The following HCRTR1 variants were observed in gnomAD, a reference collection of about 807,000 sequenced individuals.
HCRTR1 encodes the protein hypocretin receptor 1.
A neutral mutation model predicts 40.6 loss-of-function variants in HCRTR1; 28 were observed. That is an observed-to-expected ratio of 0.69 (90% CI 0.51 to 0.95). HCRTR1 has a LOEUF of 0.95. Among genes scored for constraint, HCRTR1 ranks in the 40% least tolerant of loss-of-function variants. The pLI, the probability that HCRTR1 is intolerant of heterozygous loss-of-function variation, is 0.00. For missense variants in HCRTR1, 482 were observed against 564.7 expected (o/e 0.85, Z 1.48); for synonymous variants, 209 against 230.0 (o/e 0.91, Z 0.83).
downstream of HCRTR1, among the ~76,000 whole-genome samples, chr1:31,628,510 G>C (rs1252688759): frequency 6.6e-6 from 1 of 152,210 alleles, no homozygotes; most frequent in East Asian, 1.9e-4. Context: ...TGAGGTATGA[G>C]GGCTGGCCCC....
downstream of HCRTR1, among the ~76,000 whole-genome samples, chr1:31,631,538 C>G (rs1363014490): frequency 6.6e-6 from 1 of 152,126 alleles, no homozygotes; most frequent in Non-Finnish European, 1.5e-5. Context: ...TATGCGGGCC[C>G]TTGGGCAGGT....
downstream of HCRTR1, chr1:31,632,437 G>A (rs771660176): frequency 1.0e-4 from 164 of 1,612,338 alleles, 1 homozygote; most frequent in Middle Eastern, 2.3e-3. Flanking sequence ...GTATCTTAGG[G>A]TGTAAAGAGA....
chr1:31,626,462 T>C lies in HCRTR1; in HGVS notation c.1088-328T>C, dbSNP rs138835075. On this transcript the variant is annotated intron_variant, in intron 8 of 8. Transcript: ENST00000403528. This position sits in a 1 kb window ranked among gnomAD's most constrained non-coding sequence, Gnocchi z 4.6. ...AGGACACAAGCCTCGCAACAGATAG[T>C]GACCCCCACGTACACACCAAGGAGA... Among the ~76,000 whole-genome samples, 60 of 152,308 alleles carry C rather than the reference T, an allele frequency of 3.9e-4. 1 individual carries two copies. In the East Asian group the frequency reaches 0.01, roughly 26 times the overall value.
Position 31,627,476 on chromosome 1 carries a change from C to G in HCRTR1, c.*496C>G. ...TCTCCAGCGGGCCACGAGCACAGCC[C>G]CACCCTAACCAGGTGCCAAGGGCAC... On this transcript the variant is annotated 3_prime_UTR_variant, in exon 9 of 9. Coordinates refer to ENST00000403528, the MANE Select transcript of HCRTR1 (RefSeq NM_001525.3). 1 of 715,934 alleles carries G rather than the reference C, an allele frequency of 1.4e-6. No individual in the cohort carries two copies. The highest frequency in any genetic ancestry group is 1.8e-5 in the African/African-American group (1 of 55,472). 44.3% of individuals were successfully genotyped at this position (715,934 alleles called of 1,614,324 possible). A position where few individuals can be genotyped will look rare whatever the true frequency, so the allele number is the denominator to read the frequency against.
chr1:31,632,687 C>T (rs1368662013), downstream of HCRTR1: 1 of 1,592,922 alleles, frequency 6.3e-7, no homozygotes, highest in East Asian at 2.2e-5. Context: ...AGACTGAAGG[C>T]CAAGGGTCCC....
chr1:31,632,175 C>G, downstream of HCRTR1: 1 of 577,674 alleles, frequency 1.7e-6, no homozygotes, highest in South Asian at 2.1e-5. Flanking sequence ...AAGGAGTCAC[C>G]CAAGCCACAC....
chr1:31,624,286 TC>T (rs1429201736), intron 7 of HCRTR1, among the ~76,000 whole-genome samples: 1 of 151,944 alleles, frequency 6.6e-6, no homozygotes, highest in Non-Finnish European at 1.5e-5. Context: ...TAATGAGACT[TC>T]GTCTCTACTA....
Position 31,627,059 on chromosome 1 carries a change from G to C in HCRTR1, c.*79G>C, listed in dbSNP as rs1639995382. ...GAAAGACAGCTGGATGTGGTGAAAGGCTGTGGCTTCAGTCCTGGGTTTCTG... is the reference window on the plus strand; with the variant it reads ...GAAAGACAGCTGGATGTGGTGAAAGCCTGTGGCTTCAGTCCTGGGTTTCTG... On this transcript the variant is annotated 3_prime_UTR_variant, in exon 9 of 9. Transcript: ENST00000403528. 1.3e-6 allele frequency: 2 copies of C among 1,537,902 alleles called. No homozygotes were observed. Among genetic ancestry groups the C allele is most frequent in the Non-Finnish European group, 1.7e-6 (2 of 1,147,944 alleles).
At chr1:31,633,325 G>C, downstream of HCRTR1, 1 of 1,604,548 alleles carries the variant, frequency 6.2e-7, no homozygotes, top group South Asian at 1.1e-5. Context: ...CTGGAGGAAG[G>C]GGTGTGAAGG....
chr1:31,629,369 G>C (rs545729532), downstream of HCRTR1, among the ~76,000 whole-genome samples: 1 of 152,338 alleles, frequency 6.6e-6, no homozygotes, highest in Admixed American at 6.5e-5. Flanking sequence ...TGGCAAACTA[G>C]AATGTCTGGT....
At chr1:31,630,352 C>T (rs1178722887), downstream of HCRTR1, 2 of 496,946 alleles carry the variant, frequency 4.0e-6, no homozygotes, top group African/African-American at 3.9e-5. Context: ...GGCTGTGCCA[C>T]TCAACTGCTC....
chr1:31,633,114 G>A (rs1167546369), downstream of HCRTR1: 1 of 1,579,576 alleles, frequency 6.3e-7, no homozygotes, highest in Admixed American at 1.8e-5. Flanking sequence ...CCACTATCAG[G>A]TGGCTCTGCC....
intron 6 of HCRTR1, among the ~76,000 whole-genome samples, chr1:31,623,309 A>G (rs1639899817): frequency 1.4e-5 from 2 of 147,914 alleles, no homozygotes; most frequent in African/African-American, 5.1e-5. Flanking sequence ...AAAAAAAAAA[A>G]AAAGAAAAGA....
In HCRTR1 at chr1:31,623,502, GT is replaced by G; in HGVS notation, c.739-20del. 6.3e-7 allele frequency: 1 copy of G among 1,599,250 alleles called. No homozygotes were observed. Among genetic ancestry groups the G allele is most frequent in the Non-Finnish European group, 8.5e-7 (1 of 1,171,326 alleles). On this transcript the variant is annotated intron_variant, in intron 6 of 8. Coordinates refer to ENST00000403528, the MANE Select transcript of HCRTR1 (RefSeq NM_001525.3). ...CCAAGGTGCTGTACCCACCACTGCT[GT>G]CTCTATGTGTGCTGGACAGATCCCC...
chr1:31,631,487 G>A (rs10798880), downstream of HCRTR1, among the ~76,000 whole-genome samples: 5 of 151,788 alleles, frequency 3.3e-5, no homozygotes, highest in Non-Finnish European at 5.9e-5. Flanking sequence ...CCTCTGTTCA[G>A]AACTTACCAG....
Position 31,626,669 on chromosome 1 carries a change from T to TG in HCRTR1, c.1088-121_1088-120insG. The TG allele has an allele frequency of 2.5e-6, 1 of 394,112 alleles. No homozygotes were observed. Among genetic ancestry groups the TG allele is most frequent in the Non-Finnish European group, 5.1e-6 (1 of 196,622 alleles). 24.4% of individuals were successfully genotyped at this position (394,112 alleles called of 1,614,324 possible). A position where few individuals can be genotyped will look rare whatever the true frequency, so the allele number is the denominator to read the frequency against. Reference sequence around the variant, plus strand: ...GGGCTCTCCCTCCCAGCTCTATCCCTCCCTCCCTCCCCGCCCCCTCATAGG... The same window carrying TG: ...GGGCTCTCCCTCCCAGCTCTATCCCTGCCCTCCCTCCCCGCCCCCTCATAGG... On this transcript the variant is annotated intron_variant, in intron 8 of 8. Coordinates refer to ENST00000403528, the MANE Select transcript of HCRTR1 (RefSeq NM_001525.3). This position sits in a 1 kb window ranked among gnomAD's most constrained non-coding sequence, Gnocchi z 4.6.
chr1:31,620,899 G>T lies in HCRTR1; in HGVS notation c.435G>T (p.Trp145Cys), dbSNP rs745537980. Residue 145 changes from tryptophan to cysteine, a missense_variant, in exon 5 of 9, where the codon TGG (tryptophan) becomes TGT (cysteine). Trp to Cys is a radical substitution (Grantham distance 215). Transcript: ENST00000403528. ...TCAGCTTCATCGCCCTGGACCGCTG[G>T]TATGCCATCTGCCACCCACTATTGT... The part of the protein sequence containing the change: ...LTLSFIALDR[W>C]YAICHPLLFK... 4 of 1,614,062 alleles carry T rather than the reference G, an allele frequency of 2.5e-6. No homozygotes were observed. In the African/African-American group the frequency reaches 5.3e-5, roughly 22 times the overall value.
rs187016762 is a variant in HCRTR1, at chr1:31,625,954, C to A, written c.1087+836C>A. Among the ~76,000 whole-genome samples the A allele has an allele frequency of 6.6e-6, 1 of 152,182 alleles. No individual in the cohort carries two copies. Among genetic ancestry groups the A allele is most frequent in the East Asian group, 1.9e-4 (1 of 5,202 alleles). On this transcript the variant is annotated intron_variant, in intron 8 of 8. Coordinates refer to ENST00000403528, the MANE Select transcript of HCRTR1 (RefSeq NM_001525.3). This position sits in a 1 kb window ranked among gnomAD's most constrained non-coding sequence, Gnocchi z 4.2. Reference sequence around the variant, plus strand: ...AAGAATTACTCAACAAGGCTGGCTGCGGGTTTCCAGGTCAGAAAAGAGAAT... The same window carrying A: ...AAGAATTACTCAACAAGGCTGGCTGAGGGTTTCCAGGTCAGAAAAGAGAAT...
chr1:31,628,868 A>C (rs988199943), downstream of HCRTR1, among the ~76,000 whole-genome samples: 2 of 152,206 alleles, frequency 1.3e-5, no homozygotes, highest in African/African-American at 4.8e-5. Context: ...AAAATGTGGT[A>C]TATAGGGTAG....
Sources: gnomAD v4.1 joint callset for allele counts (sites outside exome capture counted in the v4.1 genomes callset) on GRCh38, gnomAD v4.1.1 for gene constraint, Gnocchi (gnomAD v3.1) non-coding constraint, MANE v1.5 for transcripts, NCBI Gene and HGNC (gene_info 2026-07-23, HGNC 2026-07-21) for gene names.